MOGAT3: variants seen among roughly 807,000 people sequenced by gnomAD.
MOGAT3 encodes 2-acylglycerol O-acyltransferase 3.
MOGAT3 carries 39 observed loss-of-function variants against 34.4 expected under a neutral mutation model. The observed-to-expected ratio is 1.13, with a 90% CI of 0.88 to 1.48. The LOEUF (loss-of-function observed/expected upper bound fraction) is 1.48. MOGAT3 is among the 40% of genes most tolerant of loss of function. The pLI, the probability that MOGAT3 is intolerant of heterozygous loss-of-function variation, is 0.00. For synonymous variants in MOGAT3, 209 were observed against 179.2 expected (o/e 1.17, Z -1.33); for missense variants, 439 against 438.9 (o/e 1.00, Z 0.00).
At chr7:101,193,719 T>C (rs1203159863), downstream of MOGAT3, among the ~76,000 whole-genome samples, 1 of 152,064 alleles carries the variant, frequency 6.6e-6, no homozygotes, top group Admixed American at 6.6e-5. Context: ...TGAGCCACCA[T>C]GCCTGGCCTG....
downstream of MOGAT3, among the ~76,000 whole-genome samples, chr7:101,194,498 CTTTTTTTTTTTTTT>C (rs34849826): frequency 1.0e-5 from 1 of 95,522 alleles, no homozygotes; most frequent in East Asian, 3.2e-4. Flanking sequence ...AGGACATAAG[CTTTTTTTTTTTTTT>C]TTTTTTTTGA....
chr7:101,195,077 C>T lies in MOGAT3; in HGVS notation c.*869G>A, dbSNP rs1797745052. The T allele has an allele frequency of 6.6e-6, 1 of 152,292 alleles. No individual in the cohort carries two copies. The highest frequency in any genetic ancestry group is 2.1e-4 in the South Asian group (1 of 4,828). 9.4% of individuals were successfully genotyped at this position (152,292 alleles called of 1,614,324 possible). A position where few individuals can be genotyped will look rare whatever the true frequency, so the allele number is the denominator to read the frequency against. ...CAAAAGGAAGAGGCTTGTCCAAGGT[C>T]ATGCCACAGACTGAACTCTCACTGG... On this transcript the variant is annotated 3_prime_UTR_variant, in exon 7 of 7. Transcript: ENST00000223114.
At chr7:101,197,059 A>C (rs1229452490) in intron 5 of MOGAT3, among the ~76,000 whole-genome samples, 1 of 151,288 alleles carries the variant, frequency 6.6e-6, no homozygotes, top group Non-Finnish European at 1.5e-5. Context: ...GGTACTTCAG[A>C]GGCTTGAACT....
At chr7:101,197,482 C>T (rs1360533082) in intron 5 of MOGAT3, among the ~76,000 whole-genome samples, 2 of 152,142 alleles carry the variant, frequency 1.3e-5, no homozygotes, top group South Asian at 2.1e-4. Flanking sequence ...ACCACCACGC[C>T]CAGCCGGGAC....
chr7:101,196,769 T>C (rs13245010), intron 5 of MOGAT3, among the ~76,000 whole-genome samples: 48,315 of 152,014 alleles, frequency 0.32, 9,719 homozygotes, highest in Non-Finnish European at 0.45. Flanking sequence ...CTACAGAGGC[T>C]GAGGCACAAG....
Position 101,196,199 on chromosome 7 carries a change from T to TGGGCACAGCAAAGGGCAGCA in MOGAT3, c.839_858dup (p.Ile287CysfsTer37). The stretch of plus-strand genomic sequence containing the variant: ...GGTGGGCACTCACCCACAGTGGTGA[T>TGGGCACAGCAAAGGGCAGCA]GGGCACAGCAAAGGGCAGCAGGCCC... On this transcript the variant is annotated frameshift_variant, in exon 6 of 7. Transcript: ENST00000223114. LOFTEE classifies it low-confidence loss of function (END_TRUNC). The TGGGCACAGCAAAGGGCAGCA allele has an allele frequency of 6.3e-7, 1 of 1,577,150 alleles. No homozygotes were observed. Among genetic ancestry groups the TGGGCACAGCAAAGGGCAGCA allele is most frequent in the Non-Finnish European group, 8.6e-7 (1 of 1,161,112 alleles).
Position 101,200,796 on chromosome 7 carries a change from T to C in MOGAT3, c.59A>G (p.His20Arg), listed in dbSNP as rs1272024681. 1 of 1,614,190 alleles carries C rather than the reference T, an allele frequency of 6.2e-7. No homozygotes were observed. Among genetic ancestry groups the C allele is most frequent in the Non-Finnish European group, 8.5e-7 (1 of 1,180,032 alleles). The stretch of plus-strand genomic sequence containing the variant: ...TTGGTAGGCGCCCACTGCTTCTAGA[T>C]GCTGCTTCTGCAAGGTTTTGGAAGT... ...PTTSKTLQKQ[H>R]LEAVGAYQYV... is the part of the protein sequence containing the mutation. The change falls in exon 1 of 7, where the codon CAT (histidine) becomes CGT (arginine). Residue 20 changes from histidine to arginine, a missense_variant. Physicochemically the swap from His to Arg is conservative, Grantham distance 29. Coordinates refer to ENST00000223114, the MANE Select transcript of MOGAT3 (RefSeq NM_178176.4).
At chr7:101,196,717 A>C (rs1797800791) in intron 5 of MOGAT3, among the ~76,000 whole-genome samples, 1 of 152,068 alleles carries the variant, frequency 6.6e-6, no homozygotes, top group African/African-American at 2.4e-5. Context: ...AAAAACATAA[A>C]AATTAGCCAG....
In MOGAT3 at chr7:101,198,370, G is replaced by A. The variant is rs1797857417; in HGVS notation, c.494-5C>T. 6.5e-7 allele frequency: 1 copy of A among 1,534,042 alleles called. No homozygotes were observed. The highest frequency in any genetic ancestry group is 8.8e-7 in the Non-Finnish European group (1 of 1,139,934). On this transcript the variant is annotated splice_region_variant and splice_polypyrimidine_tract_variant and intron_variant, in intron 4 of 6. Coordinates refer to ENST00000223114, the MANE Select transcript of MOGAT3 (RefSeq NM_178176.4). ...GGCGGCTCACCGGACAGAGTCCTGT[G>A]GGCAGGAGGAGGTGGAAAGTAGTTC...
chr7:101,194,280 C>T (rs544141561), downstream of MOGAT3, among the ~76,000 whole-genome samples: 3 of 151,986 alleles, frequency 2.0e-5, no homozygotes, highest in South Asian at 2.1e-4. Flanking sequence ...CTCCGCCTCC[C>T]GTGTTCAAGC....
Position 101,196,438 on chromosome 7 carries a change from C to T in MOGAT3, c.669-49G>A, listed in dbSNP as rs115025941. 2.5e-3 allele frequency: 3,583 copies of T among 1,423,900 alleles called. 80 individuals carry two copies. In the African/African-American group the frequency reaches 0.045, roughly 18 times the overall value. 88.2% of individuals were successfully genotyped at this position (1,423,900 alleles called of 1,614,324 possible). On this transcript the variant is annotated intron_variant, in intron 5 of 6. Transcript: ENST00000223114. ...GGGGGCTCAGGCTGCTGGACTGCTCCGAGATGGGCACCCCCAGGGGCTACA... is the reference window on the plus strand; with the variant it reads ...GGGGGCTCAGGCTGCTGGACTGCTCTGAGATGGGCACCCCCAGGGGCTACA...
Position 101,198,226 on chromosome 7 carries a change from C to A in MOGAT3, c.633G>T (p.Lys211Asn). ...GCGCCAGGCGCACGAAGCCTTTGCG[C>A]TTCTGGAGCGTAAGGCAGTGCTCCC... is the stretch of plus-strand genomic sequence containing the variant. ...VPGEHCLTLQ[K>N]RKGFVRLALR... Residue 211 changes from lysine to asparagine, a missense_variant, in exon 5 of 7, where the codon AAG becomes AAT. Lys to Asn is a moderately conservative substitution (Grantham distance 94). Coordinates refer to ENST00000223114, the MANE Select transcript of MOGAT3 (RefSeq NM_178176.4). 6.2e-7 allele frequency: 1 copy of A among 1,613,562 alleles called. No individual in the cohort carries two copies. Among genetic ancestry groups the A allele is most frequent in the South Asian group, 1.1e-5 (1 of 91,052 alleles).
Position 101,198,240 on chromosome 7 carries a change from G to C in MOGAT3, c.619C>G (p.Leu207Val). ...AAGCCTTTGCGCTTCTGGAGCGTAA[G>C]GCAGTGCTCCCCGGGGACTGAATAC... Reference protein sequence around the residue: ...ALYSVPGEHCLTLQKRKGFVR... With the variant: ...ALYSVPGEHCVTLQKRKGFVR... Residue 207 changes from leucine (L) to valine (V), a missense_variant, in exon 5 of 7, where the codon CTT (leucine) becomes GTT (valine). Leu to Val is a conservative substitution (Grantham distance 32, BLOSUM62 1). Coordinates refer to ENST00000223114, the MANE Select transcript of MOGAT3 (RefSeq NM_178176.4). The C allele has an allele frequency of 6.2e-7, 1 of 1,613,672 alleles. No homozygotes were observed. Among genetic ancestry groups the C allele is most frequent in the Non-Finnish European group, 8.5e-7 (1 of 1,179,808 alleles).
In MOGAT3 at chr7:101,200,470, AGTGAC is replaced by A. The variant is rs1304553746; in HGVS notation, c.150_154del (p.Ser51LeufsTer74). 3 of 1,607,104 alleles carry A rather than the reference AGTGAC, an allele frequency of 1.9e-6. No individual in the cohort carries two copies. The highest frequency in any genetic ancestry group is 4.5e-5 in the East Asian group (2 of 44,664). On this transcript the variant is annotated frameshift_variant, in exon 2 of 7. Coordinates refer to ENST00000223114, the MANE Select transcript of MOGAT3 (RefSeq NM_178176.4). LOFTEE classifies it high-confidence loss of function. ...CAAGTAAAAAACAGAGAAGGGCCAGAGTGACGTGAAGAGGAGGACAAAGACAAGAA... is the reference window on the plus strand; with the variant it reads ...CAAGTAAAAAACAGAGAAGGGCCAGAGTGAAGAGGAGGACAAAGACAAGAA...
intron 3 of MOGAT3, among the ~76,000 whole-genome samples, chr7:101,199,987 G>T (rs1282844933): frequency 6.6e-6 from 1 of 151,880 alleles, no homozygotes; most frequent in African/African-American, 2.4e-5. Flanking sequence ...CAGCTACTAG[G>T]GAGGCTGAGG....
rs1797868908 is a variant in MOGAT3 at position 101,198,688 on chromosome 7, C to T, written c.431G>A (p.Trp144Ter). The T allele has an allele frequency of 6.2e-7, 1 of 1,613,418 alleles. No individual in the cohort carries two copies. Among genetic ancestry groups the T allele is most frequent in the Admixed American group, 1.7e-5 (1 of 59,932 alleles). ...GAAGAGGCCAGCCAGCACGGCTAAC[C>T]AGGGCCGGAGCCCCGGGAAGAGCTG... is the stretch of plus-strand genomic sequence containing the variant. ...FSQLFPGLRP[W>*]LAVLAGLFYL... The change falls in exon 4 of 7, where the codon TGG becomes TAG. Residue 144 changes from tryptophan (W) to a stop codon, truncating the protein, a stop_gained. Transcript: ENST00000223114. LOFTEE classifies it high-confidence loss of function.
intron 4 of MOGAT3, 126 bp from the exon 5 acceptor site, chr7:101,198,491 C>T (rs1797861308): frequency 2.3e-6 from 3 of 1,333,030 alleles, no homozygotes; most frequent in African/African-American, 1.5e-5. Context: ...CAAATGCTCA[C>T]TGCAAGTCTG....
rs772742733 is a variant in MOGAT3, at chr7:101,200,291, C to T, written c.231G>A (p.Ser77=). The change falls in exon 3 of 7, where the codon TCG becomes TCA. Residue 77 remains serine, a synonymous_variant. Transcript: ENST00000223114. ...AAATTGCCCGGTTCCTTATCCACTC[C>T]GAACGCCTTCCACCTGCGGACAATG... is the stretch of plus-strand genomic sequence containing the variant. ...WDTPNQGGRR[S]EWIRNRAIWR... 27 of 1,613,908 alleles carry T rather than the reference C, an allele frequency of 1.7e-5. No homozygotes were observed. Among genetic ancestry groups the T allele is most frequent in the African/African-American group, 1.2e-4 (9 of 74,864 alleles).
intron 3 of MOGAT3, among the ~76,000 whole-genome samples, chr7:101,199,707 T>A (rs1797900145): frequency 6.7e-6 from 1 of 150,358 alleles, no homozygotes; most frequent in Non-Finnish European, 1.5e-5. Flanking sequence ...CTCCAACTCC[T>A]GGGCTCAAGC....
Sources: allele counts gnomAD v4.1 joint callset (sites outside exome capture counted in the v4.1 genomes callset), GRCh38; gene constraint gnomAD v4.1.1; transcripts MANE v1.5; gene names NCBI Gene and HGNC (gene_info 2026-07-23, HGNC 2026-07-21).